The following GPC5 variants were observed in gnomAD, a reference collection of about 807,000 sequenced individuals.
GPC5 encodes glypican-5.
In GPC5, 47 loss-of-function variants were observed where a neutral mutation model predicts 53.9. That is an observed-to-expected ratio of 0.87 (90% CI 0.69 to 1.11). The LOEUF (loss-of-function observed/expected upper bound fraction) is 1.11. GPC5 is among the 50% of genes most tolerant of loss of function. The pLI, the probability that GPC5 is intolerant of heterozygous loss-of-function variation, is 0.00. For missense variants in GPC5, 748 were observed against 713.1 expected, an observed-to-expected ratio of 1.05 and a Z score of -0.56; for synonymous variants, 286 against 263.3, an observed-to-expected ratio of 1.09 and a Z score of -0.84.
intron 7 of GPC5, among the ~76,000 whole-genome samples, chr13:92,336,375 C>G (rs993073549): frequency 2.0e-5 from 3 of 152,250 alleles, no homozygotes; most frequent in Middle Eastern, 6.8e-3. Context: ...TGAACACACA[C>G]ATACATTGTA....
At chr13:91,568,387 A>G (rs963853820) in intron 2 of GPC5, among the ~76,000 whole-genome samples, 2 of 152,138 alleles carry the variant, frequency 1.3e-5, no homozygotes, top group Admixed American at 6.6e-5. Flanking sequence ...TGAGAACTGA[A>G]CAAACTTATA....
chr13:92,268,940 TTTA>T (rs2042821604), intron 7 of GPC5, among the ~76,000 whole-genome samples: 1 of 152,100 alleles, frequency 6.6e-6, no homozygotes, highest in African/African-American at 2.4e-5. Flanking sequence ...ATTGTAGATC[TTTA>T]TTAAGTTTAC....
rs1216905659 is a variant in GPC5 at position 92,385,451 on chromosome 13, TAC to T, written c.1561+240464_1561+240465del. ...ATACATATATACATATATACATATATACATATATACACATATATACATATATA... is the reference window on the plus strand; with the variant it reads ...ATACATATATACATATATACATATATATATATACACATATATACATATATA... On this transcript the variant is annotated intron_variant, in intron 7 of 7. Transcript: ENST00000377067. Among the ~76,000 whole-genome samples, 17 of 128,256 alleles carry T rather than the reference TAC, an allele frequency of 1.3e-4. 1 individual carries two copies. In the South Asian group the frequency reaches 2.6e-3, roughly 20 times the overall value. The allele number at this position is 128,256 out of a possible 152,430, so 84.1% of individuals were successfully genotyped here.
At chr13:92,168,096 CT>C (rs2042044447) in intron 7 of GPC5, among the ~76,000 whole-genome samples, 1 of 152,080 alleles carries the variant, frequency 6.6e-6, no homozygotes, top group Admixed American at 6.5e-5. Flanking sequence ...AATCATGGCC[CT>C]GATAAAAAGC....
chr13:92,638,773 G>A (rs1233548869), intron 7 of GPC5, among the ~76,000 whole-genome samples: 2 of 152,188 alleles, frequency 1.3e-5, no homozygotes, highest in African/African-American at 4.8e-5. Context: ...AAGGGGCAGA[G>A]TACTCGTCAA....
At chr13:92,298,888 A>C (rs1247839297) in intron 7 of GPC5, among the ~76,000 whole-genome samples, 3 of 152,136 alleles carry the variant, frequency 2.0e-5, no homozygotes, top group Non-Finnish European at 4.4e-5. Flanking sequence ...TATTTACAGC[A>C]TTTTTCCATA....
intron 1 of GPC5, among the ~76,000 whole-genome samples, chr13:91,406,740 C>A (rs577616501): frequency 3.9e-5 from 6 of 152,202 alleles, no homozygotes; most frequent in African/African-American, 1.4e-4. Flanking sequence ...TCTTCTCCTT[C>A]TGGGTGGTAG....
Position 92,363,651 on chromosome 13 carries a change from C to T in GPC5, c.1561+218662C>T, listed in dbSNP as rs976634624. On this transcript the variant is annotated intron_variant, in intron 7 of 7. Transcript: ENST00000377067. ...GTCCAGGGCCTGGGGGTTTGGGGGA[C>T]CCATACCCTAGACAAAAGCTATTTG... is the stretch of plus-strand genomic sequence containing the variant. 1.8e-4 allele frequency among the ~76,000 whole-genome samples: 27 copies of T among 151,708 alleles called. 1 individual carries two copies. The highest frequency in any genetic ancestry group is 6.6e-4 in the African/African-American group (27 of 41,020).
chr13:92,304,365 C>T (rs141039716), intron 7 of GPC5, among the ~76,000 whole-genome samples: 246 of 151,914 alleles, frequency 1.6e-3, no homozygotes, highest in African/African-American at 5.0e-3. Flanking sequence ...CCACCACGCC[C>T]GGCTAATTTT....
At chr13:92,400,702 TG>T (rs1160841329) in intron 7 of GPC5, among the ~76,000 whole-genome samples, 1 of 152,216 alleles carries the variant, frequency 6.6e-6, no homozygotes, top group East Asian at 1.9e-4. Context: ...GTTATCATAT[TG>T]TCTTACATCA....
intron 2 of GPC5, among the ~76,000 whole-genome samples, chr13:91,648,410 A>G (rs74104918): frequency 7.4e-6 from 1 of 134,520 alleles, no homozygotes; most frequent in African/African-American, 4.0e-5. Context: ...TAAAAACTAA[A>G]GTAAAATATG....
intron 2 of GPC5, among the ~76,000 whole-genome samples, chr13:91,538,676 G>A (rs1302343318): frequency 6.8e-6 from 1 of 148,104 alleles, no homozygotes; most frequent in African/African-American, 2.5e-5. Context: ...TCCGCCTCCC[G>A]GATTCACGCC....
chr13:91,473,031 C>T (rs1406934873), intron 2 of GPC5, among the ~76,000 whole-genome samples: 1 of 151,996 alleles, frequency 6.6e-6, no homozygotes, highest in Admixed American at 6.6e-5. Context: ...CTGGGGAGGC[C>T]TCAGGAAACT....
chr13:92,813,234 T>C (rs1877356948), intron 7 of GPC5, among the ~76,000 whole-genome samples: 1 of 151,882 alleles, frequency 6.6e-6, no homozygotes, highest in Non-Finnish European at 1.5e-5. Flanking sequence ...TTTGTTGAAA[T>C]AAGATTGGAA....
chr13:91,449,453 C>T (rs372933492), intron 2 of GPC5, among the ~76,000 whole-genome samples: 2 of 151,986 alleles, frequency 1.3e-5, no homozygotes, highest in East Asian at 1.9e-4. Flanking sequence ...CCCATCAGCC[C>T]GTCATCTAGG....
chr13:91,908,046 C>A lies in GPC5; in HGVS notation c.1390C>A (p.His464Asn). 1 of 1,580,302 alleles carries A rather than the reference C, an allele frequency of 6.3e-7. No homozygotes were observed. The highest frequency in any genetic ancestry group is 8.5e-7 in the Non-Finnish European group (1 of 1,170,414). ...AAATCAGATTATTGATAAACTGAAG[C>A]ATGTTGTTCAGGTAAGTCCTGATCC... is the stretch of plus-strand genomic sequence containing the variant. ...VINQIIDKLKHVVQLLQGRSP... is the reference protein window; with the variant it reads ...VINQIIDKLKNVVQLLQGRSP... Residue 464 changes from histidine to asparagine, a missense_variant, in exon 6 of 8, where the codon CAT (histidine) becomes AAT (asparagine). Transcript: ENST00000377067.
intron 2 of GPC5, among the ~76,000 whole-genome samples, chr13:91,544,068 C>A (rs1213927131): frequency 2.6e-5 from 4 of 151,494 alleles, no homozygotes; most frequent in African/African-American, 4.9e-5. Context: ...ATTTCTAGTA[C>A]CTGAAATATC....
intron 1 of GPC5, among the ~76,000 whole-genome samples, chr13:91,404,187 T>A (rs1877155185): frequency 1.3e-5 from 2 of 152,238 alleles, no homozygotes; most frequent in Admixed American, 1.3e-4. Context: ...TTATATTTGA[T>A]AAGAACACTT....
chr13:92,620,688 G>A (rs957582167), intron 7 of GPC5, among the ~76,000 whole-genome samples: 4 of 152,152 alleles, frequency 2.6e-5, no homozygotes, highest in East Asian at 1.9e-4. Flanking sequence ...TTTAGAGTGT[G>A]GGAAACTTAA....
Sources: allele counts gnomAD v4.1 joint callset (sites outside exome capture counted in the v4.1 genomes callset), GRCh38; gene constraint gnomAD v4.1.1; transcripts MANE v1.5; gene names NCBI Gene and HGNC (gene_info 2026-07-23, HGNC 2026-07-21).